The following SIMC1 variants were observed in gnomAD, a reference collection of about 807,000 sequenced individuals.
SIMC1 encodes SUMO-interacting motif-containing protein 1.
A neutral mutation model predicts 82.3 loss-of-function variants in SIMC1; 55 were observed. The observed-to-expected ratio is 0.67, with a 90% confidence interval of 0.54 to 0.84. SIMC1 has a LOEUF of 0.84. Among genes scored for constraint, SIMC1 ranks in the 40% least tolerant of loss-of-function variants. The pLI is 0.00. For synonymous variants in SIMC1, 353 were observed against 426.3 expected (o/e 0.83, Z 2.12); for missense variants, 915 against 1,107.2 (o/e 0.83, Z 2.46).
chr5:176,241,923 C>T (rs934007477), intron 1 of SIMC1, among the ~76,000 whole-genome samples: 3 of 152,008 alleles, frequency 2.0e-5, no homozygotes, highest in African/African-American at 7.3e-5. Flanking sequence ...AGCGATTCAG[C>T]TTTTCTTATG....
chr5:176,242,866 T>G (rs527296793), intron 1 of SIMC1, among the ~76,000 whole-genome samples: 55 of 152,042 alleles, frequency 3.6e-4, no homozygotes, highest in Non-Finnish European at 6.5e-4. Flanking sequence ...TTCATTTTAC[T>G]GAGGGGACAC....
chr5:176,290,146 C>A lies in SIMC1; in HGVS notation c.622C>A (p.Pro208Thr). Residue 208 changes from proline to threonine, a missense_variant, in exon 2 of 10, where the codon CCA becomes ACA. By Grantham distance (38) the Pro-to-Thr change is conservative (BLOSUM62 -1). Coordinates refer to ENST00000429602, the MANE Select transcript of SIMC1 (RefSeq NM_001308195.2). Reference sequence around the variant, plus strand: ...CAATCAAAAAGCACCCTTGCCATGCCCACAGCAAGATGTATCTCGCCCACC... The same window carrying A: ...CAATCAAAAAGCACCCTTGCCATGCACACAGCAAGATGTATCTCGCCCACC... Reference protein sequence around the residue: ...SSNQKAPLPCPQQDVSRPPQA... With the variant: ...SSNQKAPLPCTQQDVSRPPQA... The A allele has an allele frequency of 6.2e-7, 1 of 1,608,356 alleles. No individual in the cohort carries two copies. The highest frequency in any genetic ancestry group is 2.2e-5 in the East Asian group (1 of 44,680).
At chr5:176,304,378 G>A (rs962716207) in intron 4 of SIMC1, 30 of 168,332 alleles carry the variant, frequency 1.8e-4, no homozygotes, top group East Asian at 3.8e-4. Context: ...TGGTGGAGAC[G>A]GGGTTTCGCT....
chr5:176,306,354 C>T (rs1180308930), intron 4 of SIMC1, among the ~76,000 whole-genome samples: 2 of 137,910 alleles, frequency 1.5e-5, no homozygotes, highest in African/African-American at 2.5e-5. Context: ...TCTGCCCAGC[C>T]GCCCCTACTG....
chr5:176,342,625 C>T (rs553716588), intron 9 of SIMC1, among the ~76,000 whole-genome samples: 1 of 152,246 alleles, frequency 6.6e-6, no homozygotes, highest in Admixed American at 6.5e-5. Flanking sequence ...CTGTCTTGTT[C>T]TCTAAGCATG....
At chr5:176,300,504 C>A (rs2878420) in intron 4 of SIMC1, among the ~76,000 whole-genome samples, 15,493 of 141,990 alleles carry the variant, frequency 0.11, 955 homozygotes, top group Middle Eastern at 0.18. Context: ...TATTTTTTGT[C>A]GAGGTGGGAA....
At chr5:176,336,158 T>A (rs1368258436) in intron 7 of SIMC1, among the ~76,000 whole-genome samples, 9 of 151,846 alleles carry the variant, frequency 5.9e-5, no homozygotes, top group Admixed American at 5.9e-4. Flanking sequence ...ACCTCCTGCG[T>A]TGAGCCTTTT....
At chr5:176,259,521 C>A (rs1761947931) in intron 1 of SIMC1, among the ~76,000 whole-genome samples, 1 of 152,134 alleles carries the variant, frequency 6.6e-6, no homozygotes, top group African/African-American at 2.4e-5. Flanking sequence ...GCCTATAATC[C>A]CAACACTTTG....
At chr5:176,256,205 C>G (rs138840737) in intron 1 of SIMC1, among the ~76,000 whole-genome samples, 10,544 of 152,142 alleles carry the variant, frequency 0.069, 1,228 homozygotes, top group African/African-American at 0.24. Context: ...AGAATTAGGT[C>G]AAAATCTCTT....
intron 1 of SIMC1, among the ~76,000 whole-genome samples, chr5:176,257,012 CT>C (rs1257976622): frequency 2.0e-5 from 3 of 152,202 alleles, no homozygotes; most frequent in South Asian, 2.1e-4. Context: ...CCACATTGGC[CT>C]CCCAAAGCAC....
intron 1 of SIMC1, among the ~76,000 whole-genome samples, chr5:176,252,494 C>T (rs1281204262): frequency 6.6e-6 from 1 of 151,248 alleles, no homozygotes; most frequent in Non-Finnish European, 1.5e-5. Flanking sequence ...CTCCTCACAT[C>T]CCAGACGGGG....
In SIMC1 at chr5:176,326,492, C is replaced by T. The variant is rs562967423; in HGVS notation, c.2171+1735C>T. On this transcript the variant is annotated intron_variant, in intron 7 of 9. Coordinates refer to ENST00000429602, the MANE Select transcript of SIMC1 (RefSeq NM_001308195.2). ...AAGCAATCCTCCTGCCTCAGCCTCC[C>T]GAAGTTCTGGGATTACAGGCATGAG... Among the ~76,000 whole-genome samples the T allele has an allele frequency of 5.9e-5, 9 of 152,082 alleles. No individual in the cohort carries two copies. The South Asian group carries it at 8.3e-4, about 14-fold the overall frequency.
chr5:176,246,959 A>G (rs999838202), intron 1 of SIMC1, among the ~76,000 whole-genome samples: 1 of 152,078 alleles, frequency 6.6e-6, no homozygotes, highest in African/African-American at 2.4e-5. Context: ...TTATGGCTGC[A>G]TAGTATTCCA....
In SIMC1 at chr5:176,249,843, C is replaced by CAAAAA. The variant is rs66752759; in HGVS notation, c.129+11223_129+11227dup. Among the ~76,000 whole-genome samples, 96 of 81,266 alleles carry CAAAAA rather than the reference C, an allele frequency of 1.2e-3. 5 individuals are homozygous for CAAAAA. The highest frequency in any genetic ancestry group is 7.3e-3 in the East Asian group (18 of 2,476). 53.3% of individuals were successfully genotyped at this position (81,266 alleles called of 152,430 possible). On this transcript the variant is annotated intron_variant, in intron 1 of 9. Transcript: ENST00000429602. ...TGAGCAACAGAGCGAGATTCCGTCTCAAAAAAAAAAAAAAAAAAAAACCAG... is the reference window on the plus strand; with the variant it reads ...TGAGCAACAGAGCGAGATTCCGTCTCAAAAAAAAAAAAAAAAAAAAAAAAAACCAG...
intron 4 of SIMC1, among the ~76,000 whole-genome samples, chr5:176,309,454 T>A (rs1764563349): frequency 6.6e-6 from 1 of 152,202 alleles, no homozygotes; most frequent in Non-Finnish European, 1.5e-5. Flanking sequence ...ATCTTCAGGA[T>A]CTTGGGCTAG....
intron 2 of SIMC1, among the ~76,000 whole-genome samples, chr5:176,293,385 G>A (rs1763665265): frequency 6.6e-6 from 1 of 151,556 alleles, no homozygotes; most frequent in South Asian, 2.1e-4. Flanking sequence ...CAGTGTGCCA[G>A]GATCACGCCA....
intron 1 of SIMC1, among the ~76,000 whole-genome samples, chr5:176,250,997 A>G (rs1264344864): frequency 6.6e-6 from 1 of 152,186 alleles, no homozygotes; most frequent in Non-Finnish European, 1.5e-5. Context: ...TGATCTTGTC[A>G]TTATGATGCT....
At chr5:176,253,003 G>GGCGC (rs571372105) in intron 1 of SIMC1, among the ~76,000 whole-genome samples, 1 of 152,182 alleles carries the variant, frequency 6.6e-6, no homozygotes, top group Non-Finnish European at 1.5e-5. Flanking sequence ...AGTCAGGCGT[G>GGCGC]GCGCGCGCGC....
Position 176,345,332 on chromosome 5 carries a change from C to G in SIMC1, c.2563C>G (p.Pro855Ala). 6.2e-7 allele frequency: 1 copy of G among 1,613,974 alleles called. No individual in the cohort carries two copies. The highest frequency in any genetic ancestry group is 1.3e-5 in the African/African-American group (1 of 75,018). Residue 855 changes from proline to alanine, a missense_variant, in exon 10 of 10, where the codon CCT (proline) becomes GCT (alanine). This residue lies in a region of SIMC1 where 902 missense variants were observed against 1,040.3 expected (regional missense o/e 0.87). Transcript: ENST00000429602. ...RSRLIQMLGEPLVPQLQDKVH... is the reference protein window; with the variant it reads ...RSRLIQMLGEALVPQLQDKVH... ...CCGCCTGATCCAGATGCTGGGGGAG[C>G]CTCTTGTCCCCCAACTCCAAGACAA... is the stretch of plus-strand genomic sequence containing the variant.
Sources: allele counts gnomAD v4.1 joint callset (sites outside exome capture counted in the v4.1 genomes callset), GRCh38; gene constraint gnomAD v4.1.1; regional missense constraint gnomAD v4.1.1; transcripts MANE v1.5; gene names NCBI Gene and HGNC (gene_info 2026-07-23, HGNC 2026-07-21).